The following TMEFF2 variants were observed in gnomAD, a reference collection of about 807,000 sequenced individuals.
TMEFF2 encodes transmembrane protein with EGF like and two follistatin like domains 2.
Under a neutral mutation model 53.8 loss-of-function variants are expected in TMEFF2, and 28 were observed. The ratio of observed to expected loss-of-function variants is 0.52; its 90% CI spans 0.39 to 0.71. The LOEUF (loss-of-function observed/expected upper bound fraction) is 0.71, where lower values mean the gene tolerates loss of function less well. Ranked by LOEUF, TMEFF2 falls within the 30% of genes least tolerant of loss-of-function variation. The probability of loss-of-function intolerance (pLI) is 0.00; values close to 1 mark genes in which losing one functional copy is unlikely to be tolerated. For synonymous variants in TMEFF2, 162 were observed against 166.3 expected (o/e 0.97, Z 0.20); for missense variants, 353 against 455.2 (o/e 0.78, Z 2.04).
At chr2:192,125,597 A>G (rs927828497) in intron 4 of TMEFF2, among the ~76,000 whole-genome samples, 11 of 152,228 alleles carry the variant, frequency 7.2e-5, no homozygotes, top group Admixed American at 6.5e-4. Flanking sequence ...TTCTATTCAC[A>G]ATAGTAAAGA....
intron 5 of TMEFF2, among the ~76,000 whole-genome samples, chr2:192,050,726 C>T (rs1051502886): frequency 1.3e-5 from 2 of 152,092 alleles, no homozygotes; most frequent in African/African-American, 4.8e-5. Context: ...TGTCAGAATT[C>T]CTAGTCTTTT....
chr2:192,054,856 G>A (rs1687863564), intron 5 of TMEFF2, among the ~76,000 whole-genome samples: 1 of 151,698 alleles, frequency 6.6e-6, no homozygotes, highest in Non-Finnish European at 1.5e-5. Context: ...AAATAATAAT[G>A]GAATCTACCT....
At chr2:191,961,783 G>T (rs1692281089) in intron 7 of TMEFF2, among the ~76,000 whole-genome samples, 1 of 152,136 alleles carries the variant, frequency 6.6e-6, no homozygotes, top group African/African-American at 2.4e-5. Context: ...TGCAATCCAA[G>T]TTTTTTAAAG....
At chr2:192,000,241 C>A (rs890159822) in intron 5 of TMEFF2, among the ~76,000 whole-genome samples, 2 of 151,954 alleles carry the variant, frequency 1.3e-5, no homozygotes, top group African/African-American at 4.8e-5. Context: ...ATATGTTTCT[C>A]AAAGTCATGA....
At chr2:192,006,192 T>G (rs1220888482) in intron 5 of TMEFF2, among the ~76,000 whole-genome samples, 1 of 152,064 alleles carries the variant, frequency 6.6e-6, no homozygotes, top group Non-Finnish European at 1.5e-5. Context: ...AGGCTCATCT[T>G]GCACGTGGAA....
In TMEFF2 at chr2:191,949,857, C is replaced by T. The variant is rs999813481; in HGVS notation, c.*454G>A. On this transcript the variant is annotated 3_prime_UTR_variant, in exon 10 of 10. Coordinates refer to ENST00000272771, the MANE Select transcript of TMEFF2 (RefSeq NM_016192.4). ...TTCTCTTTTCCAATAACCATCATTT[C>T]CCTTGATCTTGGAATCATTCAAAAC... 1 of 985,900 alleles carries T rather than the reference C, an allele frequency of 1.0e-6. No individual in the cohort carries two copies. Among genetic ancestry groups the T allele is most frequent in the African/African-American group, 1.7e-5 (1 of 57,154 alleles). 61.1% of individuals were successfully genotyped at this position (985,900 alleles called of 1,614,324 possible).
intron 5 of TMEFF2, among the ~76,000 whole-genome samples, chr2:192,043,214 A>C (rs1185968760): frequency 6.6e-6 from 1 of 152,168 alleles, no homozygotes; most frequent in Non-Finnish European, 1.5e-5. Context: ...ACTAAATCTT[A>C]CTTGATTTGA....
chr2:192,157,788 A>G (rs1690541162), intron 4 of TMEFF2, among the ~76,000 whole-genome samples: 1 of 152,058 alleles, frequency 6.6e-6, no homozygotes, highest in African/African-American at 2.4e-5. Flanking sequence ...GTGTTAAAAA[A>G]TCTTCATTGT....
At chr2:192,138,943 A>C (rs1290780869) in intron 4 of TMEFF2, among the ~76,000 whole-genome samples, 1 of 152,220 alleles carries the variant, frequency 6.6e-6, no homozygotes, top group African/African-American at 2.4e-5. Flanking sequence ...GAAAATATAA[A>C]GGAGATGGAA....
chr2:192,058,318 G>T (rs527342551), intron 4 of TMEFF2, among the ~76,000 whole-genome samples: 2 of 152,174 alleles, frequency 1.3e-5, no homozygotes, highest in African/African-American at 4.8e-5. Flanking sequence ...TAAGTTTTTA[G>T]AAAATAGTTT....
At position 192,183,930 on chromosome 2, in the gene TMEFF2, T is replaced by C. The variant is rs557747065; in HGVS notation, c.412+424A>G. Among the ~76,000 whole-genome samples the C allele has an allele frequency of 3.9e-5, 6 of 152,224 alleles. No homozygotes were observed. The South Asian group carries it at 1.0e-3, about 26-fold the overall frequency. On this transcript the variant is annotated intron_variant, in intron 3 of 9. Coordinates refer to ENST00000272771, the MANE Select transcript of TMEFF2 (RefSeq NM_016192.4). The stretch of plus-strand genomic sequence containing the variant: ...AGAGCTGCTAAGATTAGACGTCAAC[T>C]TCAGAGCCCAAACCTGCAAGATTGC...
chr2:192,111,075 A>G (rs1689265083), intron 4 of TMEFF2, among the ~76,000 whole-genome samples: 1 of 152,184 alleles, frequency 6.6e-6, no homozygotes, highest in Admixed American at 6.6e-5. Context: ...AGTCTCAGGT[A>G]TGTCTTTAAC....
chr2:192,021,519 G>A (rs1365149384), intron 5 of TMEFF2, among the ~76,000 whole-genome samples: 1 of 152,054 alleles, frequency 6.6e-6, no homozygotes, highest in Admixed American at 6.6e-5. Context: ...GCCCCAAACT[G>A]AAAGAACAGA....
intron 7 of TMEFF2, among the ~76,000 whole-genome samples, chr2:191,971,109 A>C (rs1277314402): frequency 6.6e-6 from 1 of 152,172 alleles, no homozygotes; most frequent in Non-Finnish European, 1.5e-5. Flanking sequence ...GAGTGCAAAA[A>C]ACTACTTTAG....
At chr2:192,023,756 G>T (rs568037842) in intron 5 of TMEFF2, among the ~76,000 whole-genome samples, 1 of 152,258 alleles carries the variant, frequency 6.6e-6, no homozygotes, top group South Asian at 2.1e-4. Flanking sequence ...GTCAGACACA[G>T]AATTAAACTG....
At chr2:192,191,852 T>G (rs747191682) in intron 2 of TMEFF2, 28 bp downstream of exon 2, 15 of 1,444,230 alleles carry the variant, frequency 1.0e-5, no homozygotes, top group Non-Finnish European at 1.5e-5. Flanking sequence ...ATTAATGAAT[T>G]AGAAGATGCA....
chr2:191,963,453 T>C (rs1692328009), intron 7 of TMEFF2, among the ~76,000 whole-genome samples: 2 of 151,982 alleles, frequency 1.3e-5, no homozygotes, highest in Non-Finnish European at 2.9e-5. Flanking sequence ...CTGGGCCATG[T>C]GAGCCAAGCA....
intron 4 of TMEFF2, among the ~76,000 whole-genome samples, chr2:192,090,795 G>A (rs1274993546): frequency 2.0e-5 from 3 of 152,122 alleles, no homozygotes; most frequent in Non-Finnish European, 4.4e-5. Context: ...AGCCAAATCA[G>A]TGTAAGACAT....
intron 4 of TMEFF2, among the ~76,000 whole-genome samples, chr2:192,161,785 G>C (rs1031117480): frequency 6.6e-6 from 1 of 152,244 alleles, no homozygotes; most frequent in South Asian, 2.1e-4. Context: ...TTAATCTCTG[G>C]TCTCTCACTC....
Sources: gnomAD v4.1 joint callset for allele counts (sites outside exome capture counted in the v4.1 genomes callset) on GRCh38, gnomAD v4.1.1 for gene constraint, MANE v1.5 for transcripts, NCBI Gene and HGNC (gene_info 2026-07-23, HGNC 2026-07-21) for gene names.